The following MMADHC variants were observed in gnomAD, a reference collection of about 807,000 sequenced individuals.
MMADHC encodes the protein metabolism of cobalamin associated D, also known as cobalamin trafficking protein CblD.
In MMADHC, 23 loss-of-function variants were observed where a neutral mutation model predicts 36.3. The observed-to-expected ratio is 0.63, with a 90% CI of 0.46 to 0.90. The LOEUF is 0.90. Ranked by LOEUF, MMADHC falls within the 40% of genes least tolerant of loss-of-function variation. The pLI is 0.00. For synonymous variants in MMADHC, 97 were observed against 116.1 expected (o/e 0.84, Z 1.06); for missense variants, 330 against 348.0 (o/e 0.95, Z 0.41).
intron 2 of MMADHC, among the ~76,000 whole-genome samples, chr2:149,584,108 A>C (rs982879882): frequency 2.6e-5 from 4 of 152,176 alleles, no homozygotes; most frequent in African/African-American, 9.7e-5. Context: ...TTTACTTACT[A>C]AACAAACTCA....
In MMADHC at chr2:149,576,370, T is replaced by C. The variant is rs181938882; in HGVS notation, c.478+67A>G. On this transcript the variant is annotated intron_variant, in intron 5 of 7. Transcript: ENST00000303319. ...AAGGTATACAGCGTTCCAATTTCTATAGAGTACATTATTCAACATATTAAA... is the reference window on the plus strand; with the variant it reads ...AAGGTATACAGCGTTCCAATTTCTACAGAGTACATTATTCAACATATTAAA... 5 of 1,064,140 alleles carry C rather than the reference T, an allele frequency of 4.7e-6. No homozygotes were observed. The East Asian group carries it at 7.1e-5, about 15-fold the overall frequency. 65.9% of individuals were successfully genotyped at this position (1,064,140 alleles called of 1,614,324 possible). A position where few individuals can be genotyped will look rare whatever the true frequency, so the allele number is the denominator to read the frequency against.
Position 149,579,546 on chromosome 2 carries a change from C to T in MMADHC, c.257G>A (p.Gly86Glu). The change falls in exon 4 of 8, where the codon GGG becomes GAG. Residue 86 changes from glycine (G) to glutamate (E), a missense_variant. Coordinates refer to ENST00000303319, the MANE Select transcript of MMADHC (RefSeq NM_015702.3). ...GNIGFDCHLN[G>E]TASQKKSLVH... ...CAGGCTTTTCTTCTGTGAAGCAGTCCCATTGAGGTGACAATCAAAACCTAT... is the reference window on the plus strand; with the variant it reads ...CAGGCTTTTCTTCTGTGAAGCAGTCTCATTGAGGTGACAATCAAAACCTAT... 6.2e-7 allele frequency: 1 copy of T among 1,613,804 alleles called. No homozygotes were observed. The highest frequency in any genetic ancestry group is 8.5e-7 in the Non-Finnish European group (1 of 1,179,954).
At chr2:149,584,763 T>A (rs1216795662) in intron 2 of MMADHC, among the ~76,000 whole-genome samples, 1 of 152,124 alleles carries the variant, frequency 6.6e-6, no homozygotes, top group Non-Finnish European at 1.5e-5. Flanking sequence ...GATTCTCAAA[T>A]CTTGGCTGGG....
chr2:149,580,808 C>A (rs899355497), intron 3 of MMADHC, among the ~76,000 whole-genome samples: 4 of 152,130 alleles, frequency 2.6e-5, no homozygotes, highest in African/African-American at 9.7e-5. Context: ...ACACTCTAGT[C>A]CAGTGCCCCT....
In MMADHC at chr2:149,572,045, G is replaced by A. The variant is rs539951897; in HGVS notation, c.610-874C>T. Among the ~76,000 whole-genome samples, 3 of 152,016 alleles carry A rather than the reference G, an allele frequency of 2.0e-5. No homozygotes were observed. In the South Asian group the frequency reaches 6.2e-4, roughly 32 times the overall value. On this transcript the variant is annotated intron_variant, in intron 6 of 7. Transcript: ENST00000303319. ...TACTCTTCTCTGTTTTTTGTATAGT[G>A]TACAATTACTACTACCATGTGCATA...
intron 2 of MMADHC, among the ~76,000 whole-genome samples, chr2:149,585,370 T>A (rs907361357): frequency 6.6e-6 from 1 of 152,230 alleles, no homozygotes; most frequent in Admixed American, 6.5e-5. Flanking sequence ...GTTCTGCTTT[T>A]GATCATGTGA....
intron 6 of MMADHC, among the ~76,000 whole-genome samples, chr2:149,573,642 A>G (rs1229528964): frequency 6.6e-6 from 1 of 152,208 alleles, no homozygotes; most frequent in African/African-American, 2.4e-5. Context: ...AACCATTAAG[A>G]TAATACTGTA....
At chr2:149,571,014 T>C (rs1269483803) in intron 7 of MMADHC, 71 bp downstream of exon 7, 2 of 1,267,650 alleles carry the variant, frequency 1.6e-6, no homozygotes, top group Admixed American at 3.4e-5. Flanking sequence ...ATTACCAAAG[T>C]TATAAACACA....
intron 1 of MMADHC, chr2:149,587,406 TG>T: frequency 2.0e-6 from 1 of 491,086 alleles, no homozygotes; most frequent in African/African-American, 1.9e-5. Flanking sequence ...GGGAGGGGAA[TG>T]GGGGCTGGGT....
At chr2:149,570,195 C>T (rs202117218) in intron 7 of MMADHC, 27 bp from the exon 8 acceptor site, 56 of 1,561,738 alleles carry the variant, frequency 3.6e-5, no homozygotes, top group Admixed American at 1.0e-4. Context: ...GAAATATTCT[C>T]ATTAGTAAGA....
Position 149,571,069 on chromosome 2 carries a change from A to G in MMADHC, c.696+16T>C, listed in dbSNP as rs1558844960. On this transcript the variant is annotated intron_variant, in intron 7 of 7. Transcript: ENST00000303319. ...TCTACTTCATATAATCTGATTTTCA[A>G]ATGATAATTACTCACTGCCAAACCA... 6.4e-7 allele frequency: 1 copy of G among 1,566,782 alleles called. No homozygotes were observed. The highest frequency in any genetic ancestry group is 1.7e-5 in the Admixed American group (1 of 59,916).
Position 149,575,924 on chromosome 2 carries a change from T to C in MMADHC, c.479-83A>G, listed in dbSNP as rs563607027. 106 of 1,079,064 alleles carry C rather than the reference T, an allele frequency of 9.8e-5. 1 individual carries two copies. Among genetic ancestry groups the C allele is most frequent in the Middle Eastern group, 7.2e-4 (3 of 4,154 alleles). 66.8% of individuals were successfully genotyped at this position (1,079,064 alleles called of 1,614,324 possible). ...TTTTAAAGAAGGATAAAAGTACTTC[T>C]TTAGAAAAATGCTGATTAAGTAAAA... On this transcript the variant is annotated intron_variant, in intron 5 of 7. Coordinates refer to ENST00000303319, the MANE Select transcript of MMADHC (RefSeq NM_015702.3).
intron 6 of MMADHC, among the ~76,000 whole-genome samples, chr2:149,575,330 G>T (rs1313108609): frequency 6.6e-6 from 1 of 151,230 alleles, no homozygotes; most frequent in Non-Finnish European, 1.5e-5. Flanking sequence ...TCTTTATTTT[G>T]ACATGTTCTA....
At chr2:149,577,240 G>A (rs986025167) in intron 4 of MMADHC, among the ~76,000 whole-genome samples, 4 of 152,208 alleles carry the variant, frequency 2.6e-5, no homozygotes, top group African/African-American at 4.8e-5. Context: ...TGATATTTGA[G>A]CTACAAGTTA....
chr2:149,571,815 GA>G (rs1332742043), intron 6 of MMADHC, among the ~76,000 whole-genome samples: 2 of 151,576 alleles, frequency 1.3e-5, no homozygotes, highest in African/African-American at 4.8e-5. Context: ...ATAGGTAAAG[GA>G]AAATAAAATG....
At chr2:149,586,945 C>T in intron 2 of MMADHC, 144 bp downstream of exon 2, 1 of 805,530 alleles carries the variant, frequency 1.2e-6, no homozygotes. Flanking sequence ...AACATAATTT[C>T]ACACCACTTG....
In MMADHC at chr2:149,570,090, G is replaced by A. The variant is rs373990661; in HGVS notation, c.775C>T (p.Leu259Phe). The change falls in exon 8 of 8, where the codon CTT becomes TTT. Residue 259 changes from leucine to phenylalanine, a missense_variant. By Grantham distance (22) the Leu-to-Phe change is conservative. Coordinates refer to ENST00000303319, the MANE Select transcript of MMADHC (RefSeq NM_015702.3). ...TGACGAATCACTTTACAGCATCCAA[G>A]GTCATCAACAGAGAATCCTAAATGT... ...YRHLGFSVDD[L>F]GCCKVIRHSL... The A allele has an allele frequency of 7.4e-6, 12 of 1,613,540 alleles. No homozygotes were observed. Among genetic ancestry groups the A allele is most frequent in the Non-Finnish European group, 9.3e-6 (11 of 1,179,766 alleles).
rs146562783 is a variant in MMADHC at position 149,581,112 on chromosome 2, G to A, written c.154+1015C>T. On this transcript the variant is annotated intron_variant, in intron 3 of 7. Coordinates refer to ENST00000303319, the MANE Select transcript of MMADHC (RefSeq NM_015702.3). ...GCATCCCATATTAATAGTAGATTTG[G>A]GCAGTGGATTTGACCATATGTTTAC... Among the ~76,000 whole-genome samples, 1,376 of 152,204 alleles carry A rather than the reference G, an allele frequency of 9.0e-3. 59 individuals are homozygous for A. The highest frequency in any genetic ancestry group is 0.076 in the Admixed American group (1,162 of 15,290).
chr2:149,576,403 G>C, intron 5 of MMADHC, 34 bp downstream of exon 5: 1 of 1,389,198 alleles, frequency 7.2e-7, no homozygotes, highest in Non-Finnish European at 1.0e-6. Context: ...AAAAAAATTA[G>C]TAACAGTGTT....
Sources: gnomAD v4.1 joint callset for allele counts (sites outside exome capture counted in the v4.1 genomes callset) on GRCh38, gnomAD v4.1.1 for gene constraint, MANE v1.5 for transcripts, NCBI Gene and HGNC (gene_info 2026-07-23, HGNC 2026-07-21) for gene names.